Variants in CHN2 observed in about 807,000 individuals in gnomAD.
CHN2 encodes the protein beta-chimaerin.
CHN2 carries 35 observed loss-of-function variants against 56.3 expected under a neutral mutation model. The ratio of observed to expected loss-of-function variants is 0.62; its 90% CI spans 0.47 to 0.82. The LOEUF (loss-of-function observed/expected upper bound fraction) is 0.82. CHN2 is among the 40% of genes least tolerant of loss of function. The probability of loss-of-function intolerance (pLI) is 0.00; values close to 1 mark genes in which losing one functional copy is unlikely to be tolerated. For missense variants in CHN2, 491 were observed against 580.5 expected (o/e 0.85, Z 1.58); for synonymous variants, 210 against 212.8 (o/e 0.99, Z 0.12).
intron 2 of CHN2, chr7:29,181,556 G>T (rs1004309411): frequency 6.6e-6 from 1 of 152,162 alleles, no homozygotes; most frequent in Non-Finnish European, 1.5e-5. Context: ...TAGATTAATA[G>T]AAAGGAATTT....
At chr7:29,198,305 T>C (rs777372870) in intron 1 of CHN2, among the ~76,000 whole-genome samples, 1 of 152,248 alleles carries the variant, frequency 6.6e-6, no homozygotes, top group Non-Finnish European at 1.5e-5. Context: ...AAAGATCTAA[T>C]AATTTGCTCA....
At chr7:29,425,044 C>G (rs921738261) in intron 6 of CHN2, among the ~76,000 whole-genome samples, 1 of 152,224 alleles carries the variant, frequency 6.6e-6, no homozygotes, top group Non-Finnish European at 1.5e-5. Context: ...GTGACTCACA[C>G]ACTGTTGATT....
At chr7:29,291,812 G>A (rs1245878196) in intron 1 of CHN2, among the ~76,000 whole-genome samples, 2 of 152,086 alleles carry the variant, frequency 1.3e-5, no homozygotes, top group Non-Finnish European at 2.9e-5. Flanking sequence ...AATCTATCCT[G>A]TATACCCTTT....
intron 1 of CHN2, among the ~76,000 whole-genome samples, chr7:29,299,370 C>G (rs935975144): frequency 8.5e-5 from 13 of 152,226 alleles, no homozygotes; most frequent in Non-Finnish European, 1.8e-4. Flanking sequence ...TAAATCAACA[C>G]ATTCCTGACC....
At chr7:29,268,599 C>T (rs1158117393) in intron 1 of CHN2, among the ~76,000 whole-genome samples, 1 of 152,132 alleles carries the variant, frequency 6.6e-6, no homozygotes, top group East Asian at 1.9e-4. Flanking sequence ...ATGTGGAATG[C>T]CATGGGGAGT....
chr7:29,371,032 G>C (rs1235559273), intron 3 of CHN2, among the ~76,000 whole-genome samples: 1 of 152,192 alleles, frequency 6.6e-6, no homozygotes, highest in Non-Finnish European at 1.5e-5. Context: ...CATCTACTTT[G>C]CAGGGTTGCT....
chr7:29,280,972 T>C (rs1181705199), intron 1 of CHN2, among the ~76,000 whole-genome samples: 3 of 152,224 alleles, frequency 2.0e-5, no homozygotes, highest in African/African-American at 7.2e-5. Context: ...GGCGCATGCC[T>C]GTAATCTCAG....
At chr7:29,289,206 A>G (rs923047899) in intron 1 of CHN2, 3 of 152,260 alleles carry the variant, frequency 2.0e-5, no homozygotes, top group African/African-American at 7.2e-5. Context: ...AAGCTGTAGC[A>G]TCTTTGAGTC....
intron 1 of CHN2, among the ~76,000 whole-genome samples, chr7:29,237,801 T>C (rs1787314978): frequency 6.6e-6 from 1 of 152,078 alleles, no homozygotes; most frequent in African/African-American, 2.4e-5. Context: ...AAGGAGGGGT[T>C]GAATAATGCT....
chr7:29,492,141 TAA>T (rs1788729723), intron 7 of CHN2, among the ~76,000 whole-genome samples: 1 of 152,224 alleles, frequency 6.6e-6, no homozygotes, highest in Non-Finnish European at 1.5e-5. Context: ...TAGCTGGGTG[TAA>T]AAGTTAGGTT....
intron 1 of CHN2, among the ~76,000 whole-genome samples, chr7:29,317,737 CATATGAG>C (rs1795059440): frequency 6.6e-6 from 1 of 152,116 alleles, no homozygotes; most frequent in African/African-American, 2.4e-5. Flanking sequence ...TGAAGTGGGA[CATATGAG>C]ATATGAGGCT....
intron 1 of CHN2, among the ~76,000 whole-genome samples, chr7:29,231,505 G>C (rs1405109544): frequency 1.3e-5 from 2 of 152,060 alleles, no homozygotes; most frequent in Admixed American, 6.6e-5. Context: ...CTCATCTGAT[G>C]CTCTGAGCTA....
chr7:29,375,190 C>CTT lies in CHN2; in HGVS notation c.144+7230_144+7231dup, dbSNP rs70980534. Reference sequence around the variant, plus strand: ...CAAGCATGAGCCACCGTGCTCGGCCCTTTTTTTTTTTTTTTTTTTTTTTTT... The same window carrying CTT: ...CAAGCATGAGCCACCGTGCTCGGCCCTTTTTTTTTTTTTTTTTTTTTTTTTTT... On this transcript the variant is annotated intron_variant, in intron 3 of 12. Transcript: ENST00000222792. 1.2e-3 allele frequency among the ~76,000 whole-genome samples: 91 copies of CTT among 77,932 alleles called. 9 individuals are homozygous for CTT. Among genetic ancestry groups the CTT allele is most frequent in the Non-Finnish European group, 1.5e-3 (67 of 43,296 alleles). The allele number at this position is 77,932 out of a possible 152,430, so 51.1% of individuals were successfully genotyped here. A position where few individuals can be genotyped will look rare whatever the true frequency, so the allele number is the denominator to read the frequency against.
chr7:29,392,182 C>A (rs374366808), intron 3 of CHN2, among the ~76,000 whole-genome samples: 2 of 152,156 alleles, frequency 1.3e-5, no homozygotes, highest in South Asian at 2.1e-4. Flanking sequence ...CTTTCATTGG[C>A]TTTTCTAGTT....
chr7:29,179,901 G>A (rs1204083587), intron 2 of CHN2, among the ~76,000 whole-genome samples: 1 of 152,074 alleles, frequency 6.6e-6, no homozygotes, highest in Non-Finnish European at 1.5e-5. Context: ...CAAAAAATCT[G>A]GTCACTGTTA....
intron 1 of CHN2, among the ~76,000 whole-genome samples, chr7:29,353,382 A>G (rs1327983594): frequency 6.6e-6 from 1 of 152,200 alleles, no homozygotes; most frequent in Non-Finnish European, 1.5e-5. Flanking sequence ...AGCCAGGCGC[A>G]GTGGCTCACG....
rs1463509750 is a variant in CHN2 at position 29,311,415 on chromosome 7, G to A, written c.50-43210G>A. Among the ~76,000 whole-genome samples the A allele has an allele frequency of 3.3e-5, 5 of 152,124 alleles. 1 individual carries two copies. The South Asian group carries it at 8.3e-4, about 25-fold the overall frequency. ...CACAGAACCTTTTAATCTCTACTGC[G>A]CTTCCTGACACTTACTTTGTGCCAG... On this transcript the variant is annotated intron_variant, in intron 1 of 12. Transcript: ENST00000222792.
intron 1 of CHN2, chr7:29,208,858 G>C (rs564354716): frequency 6.6e-6 from 1 of 152,268 alleles, no homozygotes. Context: ...CCTTCTCTTA[G>C]CGCTGCCCTC....
intron 1 of CHN2, among the ~76,000 whole-genome samples, chr7:29,252,580 T>TTTTTTTTTTTTGTTTTG (rs1788677106): frequency 3.1e-4 from 5 of 15,908 alleles, no homozygotes; most frequent in East Asian, 5.0e-3. Flanking sequence ...CATTCTTTGT[T>TTTTTTTTTTTTGTTTTG]TTTTTTTTTT....
Sources: allele counts gnomAD v4.1 joint callset (sites outside exome capture counted in the v4.1 genomes callset), GRCh38; gene constraint gnomAD v4.1.1; transcripts MANE v1.5; gene names NCBI Gene and HGNC (gene_info 2026-07-23, HGNC 2026-07-21).